The following SLC35F3 variants were observed in gnomAD, a reference collection of about 807,000 sequenced individuals.
SLC35F3 encodes solute carrier family 35 member F3, also known as putative thiamine transporter SLC35F3.
A neutral mutation model predicts 49.9 loss-of-function variants in SLC35F3; 25 were observed. The observed-to-expected ratio is 0.50, with a 90% CI of 0.37 to 0.70. SLC35F3 has a LOEUF of 0.70. Ranked by LOEUF, SLC35F3 falls within the 30% of genes least tolerant of loss-of-function variation. SLC35F3 has a pLI of 0.00. For synonymous variants in SLC35F3, 275 were observed against 265.4 expected (o/e 1.04, Z -0.35); for missense variants, 525 against 639.8 (o/e 0.82, Z 1.94).
At chr1:234,206,932 C>G (rs114662729) in intron 2 of SLC35F3, among the ~76,000 whole-genome samples, 2,305 of 152,168 alleles carry the variant, frequency 0.015, 59 homozygotes, top group African/African-American at 0.053. Context: ...CAAATCCGGA[C>G]GTCTTCCTCC....
chr1:234,091,047 G>T (rs913630365), intron 2 of SLC35F3, among the ~76,000 whole-genome samples: 1 of 152,160 alleles, frequency 6.6e-6, no homozygotes, highest in Non-Finnish European at 1.5e-5. Flanking sequence ...AGCTTTGTTT[G>T]TTTTGCTTTT....
chr1:234,117,523 T>C (rs2358196), intron 2 of SLC35F3, among the ~76,000 whole-genome samples: 52,634 of 149,888 alleles, frequency 0.35, 10,550 homozygotes, highest in East Asian at 0.82. Flanking sequence ...ACCTGGGAGA[T>C]GGAGGTTGCA....
intron 3 of SLC35F3, chr1:234,285,449 T>G (rs539403458): frequency 4.8e-6 from 2 of 420,602 alleles, no homozygotes; most frequent in African/African-American, 4.1e-5. Context: ...CAGGTCTGAT[T>G]CAGCAAGTTG....
intron 2 of SLC35F3, among the ~76,000 whole-genome samples, chr1:234,067,472 T>C (rs1267981234): frequency 2.0e-5 from 3 of 152,230 alleles, no homozygotes; most frequent in South Asian, 2.1e-4. Flanking sequence ...CCTCTCCTTA[T>C]GTCCGCATCC....
At chr1:234,084,220 G>GAC (rs34569981) in intron 2 of SLC35F3, among the ~76,000 whole-genome samples, 22,922 of 148,062 alleles carry the variant, frequency 0.15, 2,961 homozygotes, top group East Asian at 0.74. Flanking sequence ...ATAAGGAATA[G>GAC]ACACACACAC....
At position 233,904,732 on chromosome 1, in the gene SLC35F3, C is replaced by T. The variant is rs929990902; in HGVS notation, c.-346C>T. On this transcript the variant is annotated 5_prime_UTR_variant, in exon 1 of 8. Coordinates refer to ENST00000366618, the MANE Select transcript of SLC35F3 (RefSeq NM_173508.4). ...TCGAGAGCGCACAGCTGGGAGGGCT[C>T]TCCCGGTCGCGGCGAGACTCACGCC... is the stretch of plus-strand genomic sequence containing the variant. Among the ~76,000 whole-genome samples the T allele has an allele frequency of 6.6e-6, 1 of 151,774 alleles. No homozygotes were observed. Among genetic ancestry groups the T allele is most frequent in the African/African-American group, 2.4e-5 (1 of 41,390 alleles).
chr1:234,108,537 GAT>G (rs1665332471), intron 2 of SLC35F3, among the ~76,000 whole-genome samples: 2 of 94,938 alleles, frequency 2.1e-5, no homozygotes, highest in East Asian at 1.0e-3. Context: ...ATATATAAAA[GAT>G]ATATATTATT....
intron 2 of SLC35F3, among the ~76,000 whole-genome samples, chr1:233,929,851 G>C (rs1189166707): frequency 6.6e-6 from 1 of 152,138 alleles, no homozygotes; most frequent in African/African-American, 2.4e-5. Context: ...TAAGTTTCTT[G>C]TAAAGGATGT....
At chr1:234,050,579 C>T (rs1664361493) in intron 2 of SLC35F3, among the ~76,000 whole-genome samples, 1 of 152,166 alleles carries the variant, frequency 6.6e-6, no homozygotes, top group Non-Finnish European at 1.5e-5. Context: ...TTTTCCCATT[C>T]TGTAAGTTGC....
At chr1:234,280,474 A>G (rs1014925990) in intron 3 of SLC35F3, among the ~76,000 whole-genome samples, 6 of 152,202 alleles carry the variant, frequency 3.9e-5, no homozygotes, top group African/African-American at 1.4e-4. Context: ...AAGCCAATGG[A>G]GAGAAGAATA....
In SLC35F3 at chr1:234,121,133, CTTTTT is replaced by C. The variant is rs66702949; in HGVS notation, c.284-110267_284-110263del. On this transcript the variant is annotated intron_variant, in intron 2 of 7. Coordinates refer to ENST00000366618, the MANE Select transcript of SLC35F3 (RefSeq NM_173508.4). ...TTATCAATTTGAAGATGAAAAATTA[CTTTTT>C]TTTTTTTTTTTTTTTTGAGACGGAG... 5.8e-5 allele frequency among the ~76,000 whole-genome samples: 6 copies of C among 102,786 alleles called. No individual in the cohort carries two copies. In the East Asian group the frequency reaches 1.5e-3, roughly 25 times the overall value. The allele number at this position is 102,786 out of a possible 152,430, so 67.4% of individuals were successfully genotyped here.
intron 2 of SLC35F3, among the ~76,000 whole-genome samples, chr1:234,219,055 C>CAAAAAAAA (rs60342594): frequency 9.0e-5 from 5 of 55,280 alleles, no homozygotes; most frequent in East Asian, 1.2e-3. Context: ...GACTCCATCT[C>CAAAAAAAA]AAAAAAAAAA....
intron 2 of SLC35F3, among the ~76,000 whole-genome samples, chr1:234,047,568 A>G (rs1664309699): frequency 6.6e-6 from 1 of 152,212 alleles, no homozygotes; most frequent in Non-Finnish European, 1.5e-5. Flanking sequence ...TTTGGACTAT[A>G]ATAGAACTAT....
chr1:234,076,463 A>AT, intron 2 of SLC35F3, among the ~76,000 whole-genome samples: 1 of 144,518 alleles, frequency 6.9e-6, no homozygotes, highest in South Asian at 2.3e-4. Flanking sequence ...TCATCATAAT[A>AT]ATTTTTTTTT....
chr1:234,020,695 T>TTG (rs927647831), intron 2 of SLC35F3, among the ~76,000 whole-genome samples: 5 of 151,918 alleles, frequency 3.3e-5, no homozygotes, highest in African/African-American at 2.4e-5. Flanking sequence ...GCTACAGAAT[T>TTG]TGTGTGTGTG....
chr1:234,201,393 T>A (rs78075750), intron 2 of SLC35F3, among the ~76,000 whole-genome samples: 7,668 of 152,286 alleles, frequency 0.05, 684 homozygotes, highest in African/African-American at 0.18. Context: ...CGAGTAAAGT[T>A]TTTTGTGCTT....
chr1:234,235,481 G>A (rs918578527), intron 3 of SLC35F3, among the ~76,000 whole-genome samples: 1 of 152,240 alleles, frequency 6.6e-6, no homozygotes, highest in Middle Eastern at 3.2e-3. Flanking sequence ...CATGTGTGAT[G>A]ACACACAGCC....
rs184960526 is a variant in SLC35F3, at chr1:234,172,545, A to C, written c.284-58872A>C. On this transcript the variant is annotated intron_variant, in intron 2 of 7. Transcript: ENST00000366618. ...CCGAATTGTTTAAGTATTTATTCTT[A>C]AAATAGTTCAGTGTCACTTAATGGG... Among the ~76,000 whole-genome samples, 5 of 152,348 alleles carry C rather than the reference A, an allele frequency of 3.3e-5. No individual in the cohort carries two copies. The East Asian group carries it at 7.7e-4, about 24-fold the overall frequency.
At chr1:234,240,413 T>C (rs1286060688) in intron 3 of SLC35F3, among the ~76,000 whole-genome samples, 2 of 151,904 alleles carry the variant, frequency 1.3e-5, no homozygotes, top group African/African-American at 4.8e-5. Flanking sequence ...AAGACCAGCC[T>C]GGCCAACATG....
Sources: allele counts gnomAD v4.1 joint callset (sites outside exome capture counted in the v4.1 genomes callset), GRCh38; gene constraint gnomAD v4.1.1; transcripts MANE v1.5; gene names NCBI Gene and HGNC (gene_info 2026-07-23, HGNC 2026-07-21).